Variants in KHDRBS2 observed in about 807,000 individuals in gnomAD.
KHDRBS2 encodes KH RNA binding domain containing, signal transduction associated 2.
Under a neutral mutation model 44.3 loss-of-function variants are expected in KHDRBS2, and 26 were observed. That is an observed-to-expected ratio of 0.59 (90% confidence interval 0.43 to 0.81). KHDRBS2 has a LOEUF of 0.81. Ranked by LOEUF, KHDRBS2 falls within the 40% of genes least tolerant of loss-of-function variation. KHDRBS2 has a pLI of 0.00. For synonymous variants in KHDRBS2, 194 were observed against 151.1 expected (o/e 1.28, Z -2.08); for missense variants, 476 against 433.1 (o/e 1.10, Z -0.88).
intron 6 of KHDRBS2, among the ~76,000 whole-genome samples, chr6:61,798,050 T>G (rs2127588284): frequency 6.6e-6 from 1 of 152,172 alleles, no homozygotes; most frequent in East Asian, 1.9e-4. Flanking sequence ...CCTGGATATC[T>G]ATTGTTACCA....
At chr6:62,089,040 C>G (rs1798975181) in intron 2 of KHDRBS2, among the ~76,000 whole-genome samples, 1 of 152,088 alleles carries the variant, frequency 6.6e-6, no homozygotes, top group Non-Finnish European at 1.5e-5. Flanking sequence ...ACCACCTACT[C>G]AAGCCTCAGT....
intron 1 of KHDRBS2, among the ~76,000 whole-genome samples, chr6:62,246,113 TATA>T (rs1320480394): frequency 6.9e-6 from 1 of 144,018 alleles, no homozygotes; most frequent in Non-Finnish European, 1.5e-5. Flanking sequence ...TATATATATA[TATA>T]TATATATATA....
rs192472511 is a variant in KHDRBS2, at chr6:62,219,684, T to G, written c.92-42372A>C. 7.3e-3 allele frequency among the ~76,000 whole-genome samples: 1,101 copies of G among 150,998 alleles called. 7 individuals are homozygous for G. Among genetic ancestry groups the G allele is most frequent in the Non-Finnish European group, 0.012 (824 of 67,530 alleles). ...TTTTCTTAAGAGTAATAATGCACTA[T>G]AGTTACATAAGAGAATGTCCTTATT... On this transcript the variant is annotated intron_variant, in intron 1 of 8. Transcript: ENST00000281156.
intron 2 of KHDRBS2, among the ~76,000 whole-genome samples, chr6:62,109,224 CAA>C (rs1804405340): frequency 6.6e-6 from 1 of 151,870 alleles, no homozygotes; most frequent in African/African-American, 2.4e-5. Flanking sequence ...ACAATCTAAA[CAA>C]GAGAAACCAT....
At chr6:62,034,857 T>C (rs1457579843) in intron 3 of KHDRBS2, among the ~76,000 whole-genome samples, 1 of 151,954 alleles carries the variant, frequency 6.6e-6, no homozygotes, top group Non-Finnish European at 1.5e-5. Flanking sequence ...AAAGAACATA[T>C]GTAAGTAGCA....
chr6:62,187,639 T>C (rs1043293142), intron 1 of KHDRBS2, among the ~76,000 whole-genome samples: 1 of 152,132 alleles, frequency 6.6e-6, no homozygotes, highest in South Asian at 2.1e-4. Flanking sequence ...ACTAAATATA[T>C]TCATCATTTC....
intron 6 of KHDRBS2, among the ~76,000 whole-genome samples, chr6:61,835,858 C>A (rs1792587647): frequency 6.6e-6 from 1 of 151,710 alleles, no homozygotes; most frequent in South Asian, 2.1e-4. Flanking sequence ...AATTACCTAA[C>A]CAGTGTTGAA....
intron 1 of KHDRBS2, among the ~76,000 whole-genome samples, chr6:62,250,628 G>C (rs1465587537): frequency 6.6e-6 from 1 of 151,896 alleles, no homozygotes; most frequent in Non-Finnish European, 1.5e-5. Flanking sequence ...AGGGAGTGCT[G>C]TAGTTGGAAA....
At chr6:61,567,060 A>G in the KHDRBS2 span, among the ~76,000 whole-genome samples, 5 of 152,190 alleles carry the variant, frequency 3.3e-5, no homozygotes, top group African/African-American at 1.2e-4. Context: ...TGATTTGGCC[A>G]TCTGTGTTTG....
chr6:62,071,441 T>A (rs1464646085), intron 2 of KHDRBS2, among the ~76,000 whole-genome samples: 1 of 151,912 alleles, frequency 6.6e-6, no homozygotes, highest in Non-Finnish European at 1.5e-5. Flanking sequence ...ATGGTATTGC[T>A]TATGTTTTCT....
At chr6:61,890,108 C>G (rs1280653416) in intron 6 of KHDRBS2, among the ~76,000 whole-genome samples, 2 of 152,072 alleles carry the variant, frequency 1.3e-5, no homozygotes, top group African/African-American at 4.8e-5. Context: ...CTGTCTCTTC[C>G]CACTAAAATA....
intron 2 of KHDRBS2, among the ~76,000 whole-genome samples, chr6:62,108,341 A>G (rs1584754598): frequency 6.6e-6 from 1 of 152,214 alleles, no homozygotes; most frequent in South Asian, 2.1e-4. Flanking sequence ...AAACACATGA[A>G]AAAATGCTCA....
intron 6 of KHDRBS2, among the ~76,000 whole-genome samples, chr6:61,743,699 C>T (rs977852750): frequency 1.2e-4 from 18 of 151,838 alleles, no homozygotes; most frequent in African/African-American, 1.4e-4. Context: ...GTTACATATG[C>T]ATACATTTGC....
At chr6:62,127,892 T>C (rs1014649548) in intron 2 of KHDRBS2, among the ~76,000 whole-genome samples, 6 of 152,172 alleles carry the variant, frequency 3.9e-5, no homozygotes, top group African/African-American at 1.2e-4. Context: ...ATTTATTCAA[T>C]CATGCAATTA....
intron 4 of KHDRBS2, among the ~76,000 whole-genome samples, chr6:61,927,476 C>T (rs984488014): frequency 3.3e-5 from 5 of 152,050 alleles, no homozygotes; most frequent in Non-Finnish European, 7.4e-5. Flanking sequence ...GTGCTTGGTA[C>T]CCAAAGTGTT....
chr6:61,919,090 T>C (rs1807554134), intron 4 of KHDRBS2, among the ~76,000 whole-genome samples: 1 of 151,954 alleles, frequency 6.6e-6, no homozygotes, highest in Non-Finnish European at 1.5e-5. Context: ...GGTAACCACA[T>C]ACCATCCTCA....
At chr6:61,980,285 A>G (rs368574788) in intron 3 of KHDRBS2, among the ~76,000 whole-genome samples, 1 of 152,168 alleles carries the variant, frequency 6.6e-6, no homozygotes, top group South Asian at 2.1e-4. Flanking sequence ...TGAAGAATAT[A>G]TCATAAATTG....
rs917114008 is a variant in KHDRBS2, at chr6:62,286,133, G to A, written c.-185C>T. ...TCCCGCCGTCGGGCTGCGTGGCCCC[G>A]CGCCCACACCTGCCCGTCCCTTCCG... is the stretch of plus-strand genomic sequence containing the variant. On this transcript the variant is annotated 5_prime_UTR_variant, in exon 1 of 9. Transcript: ENST00000281156. The A allele has an allele frequency of 1.0e-5, 6 of 575,804 alleles. No homozygotes were observed. Among genetic ancestry groups the A allele is most frequent in the Middle Eastern group, 4.5e-4 (1 of 2,232 alleles). The allele number at this position is 575,804 out of a possible 1,614,324, so 35.7% of individuals were successfully genotyped here. A position where few individuals can be genotyped will look rare whatever the true frequency, so the allele number is the denominator to read the frequency against.
intron 2 of KHDRBS2, among the ~76,000 whole-genome samples, chr6:62,168,697 T>G (rs1819204006): frequency 1.3e-5 from 2 of 152,092 alleles, no homozygotes; most frequent in Non-Finnish European, 2.9e-5. Flanking sequence ...AGCTATGTGT[T>G]TATTCTTTTG....
Sources: allele counts gnomAD v4.1 joint callset (sites outside exome capture counted in the v4.1 genomes callset), GRCh38; gene constraint gnomAD v4.1.1; transcripts MANE v1.5; gene names NCBI Gene and HGNC (gene_info 2026-07-23, HGNC 2026-07-21).